Variants in PLA2R1 observed in about 807,000 individuals in gnomAD.
PLA2R1 encodes secretory phospholipase A2 receptor.
In PLA2R1, 158 loss-of-function variants were observed where a neutral mutation model predicts 195.9. That is an observed-to-expected ratio of 0.81 (90% CI 0.71 to 0.92). The LOEUF (loss-of-function observed/expected upper bound fraction) is 0.92, where lower values mean the gene tolerates loss of function less well. PLA2R1 is among the 40% of genes least tolerant of loss of function. The pLI is 0.00. For missense variants in PLA2R1, 1,626 were observed against 1,764.6 expected (o/e 0.92, Z 1.41); for synonymous variants, 586 against 598.2 (o/e 0.98, Z 0.30).
At chr2:160,004,831 GCA>G (rs1691865450) in intron 11 of PLA2R1, among the ~76,000 whole-genome samples, 1 of 152,286 alleles carries the variant, frequency 6.6e-6, no homozygotes, top group East Asian at 1.9e-4. Flanking sequence ...GACCAACCTG[GCA>G]CAGTTTCATG....
In PLA2R1 at chr2:159,979,874, T is replaced by C. The variant is rs762804747; in HGVS notation, c.2224A>G (p.Asn742Asp). The C allele has an allele frequency of 1.9e-6, 3 of 1,609,096 alleles. No individual in the cohort carries two copies. Among genetic ancestry groups the C allele is most frequent in the Non-Finnish European group, 2.6e-6 (3 of 1,175,842 alleles). Residue 742 changes from asparagine to aspartate, a missense_variant, in exon 14 of 30, where the codon AAC (asparagine) becomes GAC (aspartate). Physicochemically the swap from Asn to Asp is conservative, Grantham distance 23. Transcript: ENST00000283243. ...RQFWIGFNKRNPLNAGSWEWS... is the reference protein window; with the variant it reads ...RQFWIGFNKRDPLNAGSWEWS... ...TCCCATGAGCCGGCATTCAGTGGGTTTCTTTTATTAAATCCAATCCAGAAC... is the reference window on the plus strand; with the variant it reads ...TCCCATGAGCCGGCATTCAGTGGGTCTCTTTTATTAAATCCAATCCAGAAC...
intron 14 of PLA2R1, among the ~76,000 whole-genome samples, chr2:159,978,917 T>G (rs1044533552): frequency 6.6e-6 from 1 of 152,202 alleles, no homozygotes; most frequent in African/African-American, 2.4e-5. Flanking sequence ...CATTGTGACT[T>G]TGGAGTCAGA....
intron 13 of PLA2R1, among the ~76,000 whole-genome samples, chr2:159,983,644 G>T (rs533073122): frequency 6.6e-6 from 1 of 151,898 alleles, no homozygotes; most frequent in Admixed American, 6.6e-5. Flanking sequence ...AAACCATTGG[G>T]GTAGATAATT....
At chr2:159,971,024 C>A (rs1689129724) in intron 17 of PLA2R1, among the ~76,000 whole-genome samples, 1 of 152,012 alleles carries the variant, frequency 6.6e-6, no homozygotes, top group South Asian at 2.1e-4. Context: ...ATGGGTACAG[C>A]AAACTACCAT....
intron 1 of PLA2R1, among the ~76,000 whole-genome samples, chr2:160,055,803 C>T (rs77007425): frequency 0.017 from 2,620 of 152,216 alleles, 84 homozygotes; most frequent in African/African-American, 0.058. Flanking sequence ...CAAAGAGTAA[C>T]GACTCCCCAG....
At position 159,935,407 on chromosome 2, in the gene PLA2R1, A is replaced by G. The variant is rs1420989914; in HGVS notation, c.*6371T>C. The G allele has an allele frequency of 6.6e-6, 1 of 152,180 alleles. No individual in the cohort carries two copies. The highest frequency in any genetic ancestry group is 1.9e-4 in the East Asian group (1 of 5,196). The allele number at this position is 152,180 out of a possible 1,614,324, so 9.4% of individuals were successfully genotyped here. A position where few individuals can be genotyped will look rare whatever the true frequency, so the allele number is the denominator to read the frequency against. On this transcript the variant is annotated 3_prime_UTR_variant, in exon 30 of 30. Transcript: ENST00000283243. ...TCTCCCATTTCTTCTACATTTATCA[A>G]TTGGAATTTACTGGGGAGAAGAACT...
intron 17 of PLA2R1, among the ~76,000 whole-genome samples, chr2:159,975,796 A>G (rs965779721): frequency 1.3e-5 from 2 of 152,114 alleles, no homozygotes; most frequent in African/African-American, 4.8e-5. Context: ...TCATGAAACA[A>G]TCTCGACGTG....
intron 23 of PLA2R1, among the ~76,000 whole-genome samples, chr2:159,953,870 G>C (rs1687916918): frequency 1.3e-5 from 2 of 152,232 alleles, no homozygotes; most frequent in Non-Finnish European, 2.9e-5. Context: ...GTCTCACTCT[G>C]TAGCCCAGGC....
intron 10 of PLA2R1, among the ~76,000 whole-genome samples, chr2:160,012,349 C>T (rs1416258389): frequency 6.6e-6 from 1 of 152,114 alleles, no homozygotes; most frequent in Non-Finnish European, 1.5e-5. Context: ...GGCATCGATA[C>T]TAATATGAGG....
At chr2:160,034,753 C>A (rs868771074) in intron 3 of PLA2R1, among the ~76,000 whole-genome samples, 4 of 152,038 alleles carry the variant, frequency 2.6e-5, no homozygotes, top group South Asian at 4.1e-4. Flanking sequence ...GTCAACAAAG[C>A]AAGACCCTAT....
In PLA2R1 at chr2:160,011,669, C is replaced by T. The variant is rs114720191; in HGVS notation, c.1664+1594G>A. Reference sequence around the variant, plus strand: ...AATTAAATTGTAATTAACAAAAGAGCGTATAGCTTCATTGGTCAGCCTCCT... The same window carrying T: ...AATTAAATTGTAATTAACAAAAGAGTGTATAGCTTCATTGGTCAGCCTCCT... On this transcript the variant is annotated intron_variant, in intron 10 of 29. Transcript: ENST00000283243. Among the ~76,000 whole-genome samples, 413 of 152,228 alleles carry T rather than the reference C, an allele frequency of 2.7e-3. 2 individuals carry two copies. Among genetic ancestry groups the T allele is most frequent in the African/African-American group, 9.4e-3 (389 of 41,520 alleles).
chr2:159,993,609 T>C (rs1288405574), intron 11 of PLA2R1, among the ~76,000 whole-genome samples: 1 of 151,760 alleles, frequency 6.6e-6, no homozygotes, highest in Non-Finnish European at 1.5e-5. Context: ...CTTGATGCAA[T>C]GGATGCTTCT....
rs1686752837 is a variant in PLA2R1 at position 159,934,915 on chromosome 2, G to T, written c.*6863C>A. 6.6e-6 allele frequency: 1 copy of T among 152,128 alleles called. No individual in the cohort carries two copies. Among genetic ancestry groups the T allele is most frequent in the Non-Finnish European group, 1.5e-5 (1 of 68,028 alleles). 9.4% of individuals were successfully genotyped at this position (152,128 alleles called of 1,614,324 possible). A position where few individuals can be genotyped will look rare whatever the true frequency, so the allele number is the denominator to read the frequency against. On this transcript the variant is annotated 3_prime_UTR_variant, in exon 30 of 30. Coordinates refer to ENST00000283243, the MANE Select transcript of PLA2R1 (RefSeq NM_007366.5). Reference sequence around the variant, plus strand: ...TTTTCTGTTCCATGATCCATTTGAGGATTTCAACTTGCACGTAGTTGTCAT... The same window carrying T: ...TTTTCTGTTCCATGATCCATTTGAGTATTTCAACTTGCACGTAGTTGTCAT...
intron 13 of PLA2R1, among the ~76,000 whole-genome samples, chr2:159,982,590 C>T (rs1349277085): frequency 3.3e-5 from 5 of 152,230 alleles, no homozygotes; most frequent in African/African-American, 9.6e-5. Flanking sequence ...AAATCTCCTT[C>T]CTCCCCTGCA....
chr2:159,997,756 G>C (rs2105363039), intron 11 of PLA2R1, among the ~76,000 whole-genome samples: 1 of 152,168 alleles, frequency 6.6e-6, no homozygotes, highest in South Asian at 2.1e-4. Flanking sequence ...GTGATTCTCT[G>C]TATCTTTTTA....
chr2:159,942,130 T>C lies in PLA2R1; in HGVS notation c.4174A>G (p.Lys1392Glu), dbSNP rs150095150. The C allele has an allele frequency of 1.2e-6, 2 of 1,611,684 alleles. No individual in the cohort carries two copies. The highest frequency in any genetic ancestry group is 1.3e-5 in the African/African-American group (1 of 74,964). ...DIHTAEALPE[K>E]GPSHSIIPLA... ...TTTTGTATGGTTTCAAACGTACCTT[T>C]TTCTGGCAGCGCCTCTGCAGTGTGA... Residue 1392 changes from lysine (K) to glutamate (E), a missense_variant, in exon 29 of 30, where the codon AAA becomes GAA. By Grantham distance (56) the Lys-to-Glu change is moderately conservative. Coordinates refer to ENST00000283243, the MANE Select transcript of PLA2R1 (RefSeq NM_007366.5).
intron 10 of PLA2R1, among the ~76,000 whole-genome samples, chr2:160,012,846 A>C (rs1448920230): frequency 6.6e-6 from 1 of 152,168 alleles, no homozygotes; most frequent in Admixed American, 6.5e-5. Flanking sequence ...TGGGAGGTGG[A>C]GGTTGCAGTG....
chr2:160,046,844 C>T (rs1318787383), intron 1 of PLA2R1, among the ~76,000 whole-genome samples: 2 of 152,050 alleles, frequency 1.3e-5, no homozygotes, highest in Non-Finnish European at 2.9e-5. Context: ...AAATCAAATC[C>T]ACCTCTCGTC....
At chr2:159,927,984 T>C (rs140655070), downstream of PLA2R1, among the ~76,000 whole-genome samples, 54 of 152,290 alleles carry the variant, frequency 3.5e-4, no homozygotes, top group African/African-American at 6.7e-4. Context: ...AATACTACCA[T>C]GTAATAAGAG....
Sources: gnomAD v4.1 joint callset for allele counts (sites outside exome capture counted in the v4.1 genomes callset) on GRCh38, gnomAD v4.1.1 for gene constraint, MANE v1.5 for transcripts, NCBI Gene and HGNC (gene_info 2026-07-23, HGNC 2026-07-21) for gene names.